Variants in POLA1 observed in about 807,000 individuals in gnomAD.
POLA1 encodes DNA polymerase alpha 1, catalytic subunit.
In POLA1, 15 loss-of-function variants were observed where a neutral mutation model predicts 124.0. The observed-to-expected ratio is 0.12, with a 90% CI of 0.08 to 0.19. The LOEUF (loss-of-function observed/expected upper bound fraction) is 0.19, where lower values mean the gene tolerates loss of function less well. POLA1 is among the 10% of genes least tolerant of loss of function. The probability of loss-of-function intolerance (pLI) is 1.00; values close to 1 mark genes in which losing one functional copy is unlikely to be tolerated. For missense variants in POLA1, 886 were observed against 1,103.4 expected (o/e 0.80, Z 2.79); for synonymous variants, 408 against 389.4 (o/e 1.05, Z -0.56).
At chrX:24,740,305 C>T (rs1250989252) in intron 20 of POLA1, among the ~76,000 whole-genome samples, 1 of 111,731 alleles carries the variant, frequency 9.0e-6, no homozygotes, top group African/African-American at 3.3e-5. Context: ...GTAGATGCAT[C>T]AGGGTATCCT....
At chrX:24,863,267 C>CT (rs913433328) in intron 34 of POLA1, among the ~76,000 whole-genome samples, 1 of 107,861 alleles carries the variant, frequency 9.3e-6, no homozygotes, top group African/African-American at 3.4e-5. Context: ...TGCCCCCCCC[C>CT]ATCTTCCACC....
intron 36 of POLA1, among the ~76,000 whole-genome samples, chrX:24,937,914 G>A (rs1282619770): frequency 3.6e-5 from 4 of 112,181 alleles, no homozygotes; most frequent in Non-Finnish European, 1.9e-5. Flanking sequence ...AAGTTTTAAG[G>A]TAGAATTCAT....
intron 26 of POLA1, among the ~76,000 whole-genome samples, chrX:24,770,925 T>G (rs2045020465): frequency 9.0e-6 from 1 of 111,472 alleles, no homozygotes; most frequent in South Asian, 3.8e-4. Flanking sequence ...GATGAAAAGT[T>G]GCTGCCTCAC....
At position 24,921,337 on chromosome X, in the gene POLA1, A is replaced by G. The variant is rs190971781; in HGVS notation, c.4165-9116A>G. 2.8e-3 allele frequency among the ~76,000 whole-genome samples: 319 copies of G among 112,667 alleles called. 3 individuals are homozygous for G. Among genetic ancestry groups the G allele is most frequent in the African/African-American group, 9.6e-3 (299 of 31,048 alleles). On this transcript the variant is annotated intron_variant, in intron 35 of 36. Coordinates refer to ENST00000379068, the MANE Select transcript of POLA1 (RefSeq NM_001330360.2). ...GTGTAGCATCGGAACTAAAACACAC[A>G]AATAATTCTATTAGAAAATGAAAAG...
chrX:24,701,602 A>C (rs991222899), intron 2 of POLA1, among the ~76,000 whole-genome samples: 8 of 108,214 alleles, frequency 7.4e-5, no homozygotes, highest in African/African-American at 2.7e-4. Context: ...CGCCTGGCTA[A>C]TTTTTATAAT....
At chrX:24,776,608 C>T (rs1259620174) in intron 26 of POLA1, among the ~76,000 whole-genome samples, 2 of 111,808 alleles carry the variant, frequency 1.8e-5, no homozygotes, top group East Asian at 5.6e-4. Context: ...AAACAACTTC[C>T]CTAGAATGAT....
At position 24,812,776 on chromosome X, in the gene POLA1, C is replaced by T. The variant is rs1448974914; in HGVS notation, c.3209C>T (p.Ser1070Leu). 5 of 1,204,557 alleles carry T rather than the reference C, an allele frequency of 4.2e-6. No individual in the cohort carries two copies. The highest frequency in any genetic ancestry group is 3.5e-5 in the African/African-American group (2 of 57,504). The stretch of plus-strand genomic sequence containing the variant: ...GCTGCTCTGGTTGTTGAGCCAACGT[C>T]GGATGGGAATTATGTCACCAAACAG... ...KYAALVVEPT[S>L]DGNYVTKQEL... Residue 1070 changes from serine to leucine, a missense_variant, in exon 29 of 37, where the codon TCG becomes TTG. Physicochemically the swap from Ser to Leu is moderately radical, Grantham distance 145. Around this residue, in one of 7 missense-constraint regions of POLA1, gnomAD observed 313 missense variants for 359.7 expected, o/e 0.87. Transcript: ENST00000379068.
intron 36 of POLA1, among the ~76,000 whole-genome samples, chrX:24,991,940 G>A (rs187695074): frequency 1.2e-3 from 134 of 112,190 alleles, no homozygotes; most frequent in Non-Finnish European, 2.1e-3. Context: ...ATCACTGTGT[G>A]TGCCTGGCAC....
intron 34 of POLA1, among the ~76,000 whole-genome samples, chrX:24,855,266 G>A (rs1371195184): frequency 9.0e-6 from 1 of 111,532 alleles, no homozygotes; most frequent in Non-Finnish European, 1.9e-5. Flanking sequence ...GAGGGGTGTT[G>A]TTTGCATTTT....
chrX:24,746,260 GGCT>G (rs1390930253), intron 24 of POLA1, among the ~76,000 whole-genome samples: 3 of 111,433 alleles, frequency 2.7e-5, no homozygotes, highest in East Asian at 5.6e-4. Context: ...GCACGGATCT[GGCT>G]GCTAAGGGTG....
intron 35 of POLA1, among the ~76,000 whole-genome samples, chrX:24,916,679 G>C (rs2047538817): frequency 9.0e-6 from 1 of 111,525 alleles, no homozygotes; most frequent in African/African-American, 3.3e-5. Context: ...TGTATAGCGT[G>C]GGAAGGATTT....
intron 26 of POLA1, among the ~76,000 whole-genome samples, chrX:24,793,126 A>C (rs1294360049): frequency 9.2e-6 from 1 of 108,771 alleles, no homozygotes; most frequent in Non-Finnish European, 1.9e-5. Context: ...AAAATACAAA[A>C]ATTAGCCGGG....
At chrX:24,704,790 T>A (rs1026781498) in intron 4 of POLA1, among the ~76,000 whole-genome samples, 2 of 112,267 alleles carry the variant, frequency 1.8e-5, no homozygotes, top group East Asian at 2.8e-4. Flanking sequence ...TGATCTTTTT[T>A]AATTCCTACT....
At chrX:24,802,858 C>T (rs1339247943) in intron 26 of POLA1, among the ~76,000 whole-genome samples, 3 of 110,804 alleles carry the variant, frequency 2.7e-5, no homozygotes, top group South Asian at 3.9e-4. Flanking sequence ...ATTAGCTGGG[C>T]GTGGTGGCGC....
chrX:24,727,660 T>C (rs1930624379), intron 14 of POLA1, 122 bp from the exon 15 acceptor site: 4 of 514,422 alleles, frequency 7.8e-6, no homozygotes, highest in Non-Finnish European at 1.3e-5. Flanking sequence ...GATGTTACAA[T>C]ATGTCATTCT....
At chrX:24,927,057 C>T (rs1222517132) in intron 35 of POLA1, among the ~76,000 whole-genome samples, 4 of 108,684 alleles carry the variant, frequency 3.7e-5, no homozygotes, top group African/African-American at 1.0e-4. Context: ...AGGCTGGTCT[C>T]GAACTCCTGA....
intron 36 of POLA1, among the ~76,000 whole-genome samples, chrX:24,984,944 G>A (rs1265978546): frequency 9.0e-6 from 1 of 111,376 alleles, no homozygotes; most frequent in Non-Finnish European, 1.9e-5. Flanking sequence ...ACAGGCCTGA[G>A]CCACCGCACC....
chrX:24,845,531 C>T (rs771251422), intron 34 of POLA1, among the ~76,000 whole-genome samples: 2 of 111,733 alleles, frequency 1.8e-5, no homozygotes, highest in Non-Finnish European at 3.8e-5. Flanking sequence ...ACAAAAAGCC[C>T]CTGTACCTTT....
In POLA1 at chrX:24,916,902, T is replaced by A. The variant is rs374747941; in HGVS notation, c.4165-13551T>A. On this transcript the variant is annotated intron_variant, in intron 35 of 36. Coordinates refer to ENST00000379068, the MANE Select transcript of POLA1 (RefSeq NM_001330360.2). Reference sequence around the variant, plus strand: ...CTTTGTAGAATAGTTTCGTTTTCTATCGCATGTAGAAAGCAGCCTAGGTAA... The same window carrying A: ...CTTTGTAGAATAGTTTCGTTTTCTAACGCATGTAGAAAGCAGCCTAGGTAA... Among the ~76,000 whole-genome samples the A allele has an allele frequency of 3.6e-5, 4 of 112,605 alleles. No homozygotes were observed. In the East Asian group the frequency reaches 1.1e-3, roughly 31 times the overall value.
Sources: allele counts gnomAD v4.1 joint callset (sites outside exome capture counted in the v4.1 genomes callset), GRCh38; gene constraint gnomAD v4.1.1; regional missense constraint gnomAD v4.1.1; transcripts MANE v1.5; gene names NCBI Gene and HGNC (gene_info 2026-07-23, HGNC 2026-07-21).